STRN: variants seen among roughly 807,000 people sequenced by gnomAD.
The protein encoded by STRN is striatin.
In STRN, 53 loss-of-function variants were observed where a neutral mutation model predicts 96.3. The ratio of observed to expected loss-of-function variants is 0.55; its 90% CI spans 0.44 to 0.69. STRN has a LOEUF of 0.69. Ranked by LOEUF, STRN falls within the 30% of genes least tolerant of loss-of-function variation. The pLI is 0.00. For synonymous variants in STRN, 428 were observed against 355.9 expected, an observed-to-expected ratio of 1.20 and a Z score of -2.28; for missense variants, 987 against 963.9, an observed-to-expected ratio of 1.02 and a Z score of -0.32.
chr2:36,944,773 G>C (rs1026637426), intron 1 of STRN, among the ~76,000 whole-genome samples: 1 of 152,308 alleles, frequency 6.6e-6, no homozygotes, highest in East Asian at 1.9e-4. Flanking sequence ...GTTCAGAGAG[G>C]AGGAAACCCA....
intron 1 of STRN, among the ~76,000 whole-genome samples, chr2:36,940,836 CAAAAAAAAAA>C (rs56996485): frequency 7.1e-4 from 33 of 46,556 alleles, no homozygotes; most frequent in South Asian, 2.5e-3. Context: ...GACTCTGTCT[CAAAAAAAAAA>C]AAAAAAAAAA....
intron 1 of STRN, among the ~76,000 whole-genome samples, chr2:36,953,402 CTT>C (rs58389468): frequency 1.5e-4 from 20 of 135,130 alleles, no homozygotes; most frequent in Non-Finnish European, 1.9e-4. Context: ...AGATAAGGTC[CTT>C]TTTTTTTTTT....
chr2:36,889,618 T>TTGTTTGGG (rs1558639248), intron 7 of STRN, among the ~76,000 whole-genome samples: 1 of 91,236 alleles, frequency 1.1e-5, no homozygotes, highest in African/African-American at 5.1e-5. Flanking sequence ...TTCTTTTTTT[T>TTGTTTGGG]GGGGGGGGTG....
chr2:36,905,498 C>G, intron 4 of STRN, 42 bp downstream of exon 4: 1 of 1,551,956 alleles, frequency 6.4e-7, no homozygotes, highest in Non-Finnish European at 8.9e-7. Context: ...AAAACTGTTT[C>G]TTGTCTTCAG....
chr2:36,916,529 A>T (rs1429359109), intron 2 of STRN, among the ~76,000 whole-genome samples: 3 of 152,150 alleles, frequency 2.0e-5, no homozygotes, highest in Non-Finnish European at 2.9e-5. Context: ...TTGTGAAATA[A>T]ATTTGTAGAA....
chr2:36,930,974 G>A (rs761913111), intron 1 of STRN, among the ~76,000 whole-genome samples: 2 of 151,618 alleles, frequency 1.3e-5, no homozygotes, highest in Non-Finnish European at 2.9e-5. Context: ...TAGAGGTTGT[G>A]GTGAGTCGAG....
intron 3 of STRN, among the ~76,000 whole-genome samples, chr2:36,906,329 C>T (rs545797104): frequency 2.6e-5 from 4 of 151,744 alleles, no homozygotes; most frequent in Non-Finnish European, 4.4e-5. Flanking sequence ...CATAGTGGCA[C>T]GCAGCTGTGG....
chr2:36,925,622 CA>C (rs1670389068), intron 1 of STRN, among the ~76,000 whole-genome samples: 1 of 151,888 alleles, frequency 6.6e-6, no homozygotes, highest in Non-Finnish European at 1.5e-5. Context: ...ACTAAAAATA[CA>C]AAAATTAGCT....
chr2:36,909,448 A>G (rs2148209693), intron 3 of STRN, among the ~76,000 whole-genome samples: 2 of 152,304 alleles, frequency 1.3e-5, no homozygotes, highest in Middle Eastern at 6.8e-3. Context: ...AACCAACTAT[A>G]AAACAAAACA....
At chr2:36,951,466 C>A (rs1664750709) in intron 1 of STRN, among the ~76,000 whole-genome samples, 1 of 152,188 alleles carries the variant, frequency 6.6e-6, no homozygotes, top group African/African-American at 2.4e-5. Flanking sequence ...GCAAAAGGGA[C>A]AGATACACTG....
Position 36,839,774 on chromosome 2 carries a change from GATT to G in STRN, c.*9679_*9681del, listed in dbSNP as rs1418328913. 2.6e-5 allele frequency: 4 copies of G among 152,082 alleles called. No individual in the cohort carries two copies. Among genetic ancestry groups the G allele is most frequent in the African/African-American group, 9.7e-5 (4 of 41,398 alleles). 9.4% of individuals were successfully genotyped at this position (152,082 alleles called of 1,614,324 possible). A position where few individuals can be genotyped will look rare whatever the true frequency, so the allele number is the denominator to read the frequency against. On this transcript the variant is annotated 3_prime_UTR_variant, in exon 18 of 18. Coordinates refer to ENST00000263918, the MANE Select transcript of STRN (RefSeq NM_003162.4). ...TTACATGGTATATGTTTAATGTTGA[GATT>G]ATTCGTTGAATATTTCATATGTAAT...
chr2:36,944,811 C>T (rs898308488), intron 1 of STRN, among the ~76,000 whole-genome samples: 1 of 152,080 alleles, frequency 6.6e-6, no homozygotes, highest in Admixed American at 6.6e-5. Flanking sequence ...GGAAGAGATG[C>T]TTAAATTCAG....
rs1038861679 is a variant in STRN, at chr2:36,870,301, A to G, written c.1324-572T>C. Among the ~76,000 whole-genome samples, 9 of 152,202 alleles carry G rather than the reference A, an allele frequency of 5.9e-5. No individual in the cohort carries two copies. The South Asian group carries it at 1.7e-3, about 28-fold the overall frequency. Reference sequence around the variant, plus strand: ...GGTAACTCAATCTCAAAAATGAAAAAAAAAAAAAAGCACTATTTTTTCATT... The same window carrying G: ...GGTAACTCAATCTCAAAAATGAAAAGAAAAAAAAAGCACTATTTTTTCATT... On this transcript the variant is annotated intron_variant, in intron 10 of 17. Transcript: ENST00000263918.
In STRN at chr2:36,928,325, GA is replaced by G. The variant is rs199710805; in HGVS notation, c.235-3118del. On this transcript the variant is annotated intron_variant, in intron 1 of 17. Coordinates refer to ENST00000263918, the MANE Select transcript of STRN (RefSeq NM_003162.4). ...TAAAAGACGAAAACAGCAAAAGGAA[GA>G]AAAAAAGGGAAGGAAAAAAGGTAAA... Among the ~76,000 whole-genome samples, 487 of 151,564 alleles carry G rather than the reference GA, an allele frequency of 3.2e-3. 5 individuals are homozygous for G. The highest frequency in any genetic ancestry group is 0.017 in the Middle Eastern group (5 of 294).
intron 12 of STRN, among the ~76,000 whole-genome samples, chr2:36,865,190 T>G (rs1668590607): frequency 1.3e-5 from 2 of 152,268 alleles, no homozygotes; most frequent in Non-Finnish European, 2.9e-5. Flanking sequence ...TTAGAATTTC[T>G]TCCTGGTTTA....
chr2:36,941,716 ATTT>A (rs34746648), intron 1 of STRN, among the ~76,000 whole-genome samples: 11 of 134,832 alleles, frequency 8.2e-5, no homozygotes, highest in South Asian at 4.7e-4. Flanking sequence ...CACCCAGCTA[ATTT>A]TTTTTTTTTT....
rs535209179 is a variant in STRN, at chr2:36,932,175, G to T, written c.235-6967C>A. On this transcript the variant is annotated intron_variant, in intron 1 of 17. Coordinates refer to ENST00000263918, the MANE Select transcript of STRN (RefSeq NM_003162.4). ...CTACAGCTAGTTTTACTTTTTTTTT[G>T]AGACAGTCTCACTCTGTTGCCCAGG... Among the ~76,000 whole-genome samples, 14 of 151,054 alleles carry T rather than the reference G, an allele frequency of 9.3e-5. No homozygotes were observed. The East Asian group carries it at 2.3e-3, about 25-fold the overall frequency.
chr2:36,898,439 T>C (rs1249136075), intron 6 of STRN, among the ~76,000 whole-genome samples: 1 of 152,262 alleles, frequency 6.6e-6, no homozygotes, highest in Non-Finnish European at 1.5e-5. Flanking sequence ...AGTAGAGTAC[T>C]ATTGAATAGT....
At chr2:36,882,892 G>A (rs191092516) in intron 9 of STRN, among the ~76,000 whole-genome samples, 36 of 152,142 alleles carry the variant, frequency 2.4e-4, no homozygotes, top group Admixed American at 9.2e-4. Flanking sequence ...CCACATACAA[G>A]CATTTTACAC....
Sources: allele counts gnomAD v4.1 joint callset (sites outside exome capture counted in the v4.1 genomes callset), GRCh38; gene constraint gnomAD v4.1.1; transcripts MANE v1.5; gene names NCBI Gene and HGNC (gene_info 2026-07-23, HGNC 2026-07-21).